The following GLCCI1 variants were observed in gnomAD, a reference collection of about 807,000 sequenced individuals.
The protein encoded by GLCCI1 is glucocorticoid induced 1.
Under a neutral mutation model 52.2 loss-of-function variants are expected in GLCCI1, and 24 were observed. The observed-to-expected ratio is 0.46, with a 90% CI of 0.33 to 0.65. GLCCI1 has a LOEUF of 0.65. Among genes scored for constraint, GLCCI1 ranks in the 30% least tolerant of loss-of-function variants. The pLI is 0.02. For synonymous variants in GLCCI1, 310 were observed against 276.5 expected (o/e 1.12, Z -1.20); for missense variants, 704 against 701.5 (o/e 1.00, Z -0.04).
intron 1 of GLCCI1, among the ~76,000 whole-genome samples, chr7:7,988,966 C>T (rs1780788647): frequency 6.6e-6 from 1 of 152,186 alleles, no homozygotes; most frequent in Non-Finnish European, 1.5e-5. Context: ...ATGTGGTCCT[C>T]CTCATTCTTT....
chr7:8,028,663 C>T (rs958693864), intron 3 of GLCCI1, among the ~76,000 whole-genome samples: 5 of 151,518 alleles, frequency 3.3e-5, no homozygotes, highest in Admixed American at 6.6e-5. Context: ...CAAAAGATGA[C>T]TGAAATTAAA....
At chr7:8,071,178 C>A in intron 6 of GLCCI1, 47 bp downstream of exon 6, 1 of 1,410,900 alleles carries the variant, frequency 7.1e-7, no homozygotes, top group Non-Finnish European at 1.0e-6. Context: ...GGGCCTTGCT[C>A]ATTATACCTT....
intron 3 of GLCCI1, among the ~76,000 whole-genome samples, chr7:8,051,327 A>G (rs1782254574): frequency 6.6e-6 from 1 of 152,218 alleles, no homozygotes; most frequent in African/African-American, 2.4e-5. Context: ...CAAGGCAGGA[A>G]GCATAGCTCC....
intron 3 of GLCCI1, among the ~76,000 whole-genome samples, chr7:8,031,700 A>AT (rs1781753272): frequency 6.6e-6 from 1 of 151,766 alleles, no homozygotes; most frequent in African/African-American, 2.4e-5. Flanking sequence ...ATAATTAAAA[A>AT]ATTTTTTTAA....
rs558066574 is a variant in GLCCI1, at chr7:8,023,046, C to T, written c.696+477C>T. On this transcript the variant is annotated intron_variant, in intron 3 of 7. Coordinates refer to ENST00000223145, the MANE Select transcript of GLCCI1 (RefSeq NM_138426.4). ...AGCTTTTTTATTTGAGACGGAGTCT[C>T]GCTCTGTTGCCCAGGCTGGAATGCG... Among the ~76,000 whole-genome samples the T allele has an allele frequency of 2.0e-5, 3 of 152,304 alleles. No individual in the cohort carries two copies. The East Asian group carries it at 5.8e-4, about 29-fold the overall frequency.
chr7:8,030,333 C>T (rs1400270800), intron 3 of GLCCI1, among the ~76,000 whole-genome samples: 1 of 152,048 alleles, frequency 6.6e-6, no homozygotes, highest in East Asian at 1.9e-4. Context: ...ACTGGATATG[C>T]CTATGCAGAG....
rs201269303 is a variant in GLCCI1, at chr7:8,086,276, G to C, written c.1382G>C (p.Cys461Ser). Residue 461 changes from cysteine to serine, a missense_variant, in exon 8 of 8, where the codon TGT becomes TCT. Physicochemically the swap from Cys to Ser is moderately radical, Grantham distance 112 (BLOSUM62 -1). Coordinates refer to ENST00000223145, the MANE Select transcript of GLCCI1 (RefSeq NM_138426.4). This position sits in a 1 kb window ranked among gnomAD's most constrained non-coding sequence, Gnocchi z 4.4. ...TTCATCCCAACCGGATCAGCTTTCTGTCCTGTAAAACTTCTAGGCCCCCTC... is the reference window on the plus strand; with the variant it reads ...TTCATCCCAACCGGATCAGCTTTCTCTCCTGTAAAACTTCTAGGCCCCCTC... The part of the protein sequence containing the change: ...VNFIPTGSAF[C>S]PVKLLGPLLP... The C allele has an allele frequency of 4.6e-5, 74 of 1,613,952 alleles. No homozygotes were observed. The highest frequency in any genetic ancestry group is 6.7e-5 in the Admixed American group (4 of 60,002).
Position 7,969,899 on chromosome 7 carries a change from A to G in GLCCI1, c.457+92A>G. 1.7e-6 allele frequency: 2 copies of G among 1,144,784 alleles called. No individual in the cohort carries two copies. The highest frequency in any genetic ancestry group is 3.9e-4 in the Middle Eastern group (1 of 2,552). 70.9% of individuals were successfully genotyped at this position (1,144,784 alleles called of 1,614,324 possible). On this transcript the variant is annotated intron_variant, in intron 1 of 7. Coordinates refer to ENST00000223145, the MANE Select transcript of GLCCI1 (RefSeq NM_138426.4). The surrounding 1 kb of genome is among the most constrained non-coding windows in gnomAD (Gnocchi z 4.9). ...CAGCCTCTTCGGGCTTCTCTTTGCT[A>G]GTGCATTATCGAAGGTGTGAAAGTG...
intron 1 of GLCCI1, among the ~76,000 whole-genome samples, chr7:7,997,325 G>T (rs1031435713): frequency 6.6e-6 from 1 of 152,060 alleles, no homozygotes; most frequent in South Asian, 2.1e-4. Flanking sequence ...TCTCATTACA[G>T]AATTAATGAA....
chr7:8,085,412 T>C (rs73677332), intron 7 of GLCCI1, among the ~76,000 whole-genome samples: 2,867 of 152,364 alleles, frequency 0.019, 80 homozygotes, highest in African/African-American at 0.063. Context: ...TGTAGCCTCA[T>C]CTAGCTTACT....
chr7:8,066,464 C>T (rs747713982), intron 5 of GLCCI1, among the ~76,000 whole-genome samples: 11 of 151,446 alleles, frequency 7.3e-5, no homozygotes, highest in Non-Finnish European at 1.5e-4. Context: ...TCTCTAGTCC[C>T]TCTATATGTG....
intron 2 of GLCCI1, among the ~76,000 whole-genome samples, chr7:8,011,799 G>A (rs1013567540): frequency 1.2e-4 from 18 of 151,216 alleles, no homozygotes; most frequent in African/African-American, 4.1e-4. Flanking sequence ...TCTTGTTGTT[G>A]TTGTTGTTGT....
At chr7:8,035,413 A>G (rs970368356) in intron 3 of GLCCI1, among the ~76,000 whole-genome samples, 1 of 152,190 alleles carries the variant, frequency 6.6e-6, no homozygotes, top group Non-Finnish European at 1.5e-5. Context: ...GAACACAGCC[A>G]TGGCTGCTCC....
chr7:8,015,791 T>G (rs1320164124), intron 2 of GLCCI1, among the ~76,000 whole-genome samples: 1 of 152,256 alleles, frequency 6.6e-6, no homozygotes, highest in African/African-American at 2.4e-5. Context: ...TACTTATTAA[T>G]TTTAATACGT....
At chr7:7,990,055 G>T (rs780309749) in intron 1 of GLCCI1, among the ~76,000 whole-genome samples, 5 of 152,080 alleles carry the variant, frequency 3.3e-5, no homozygotes, top group Non-Finnish European at 5.9e-5. Flanking sequence ...AGAAAGGAGA[G>T]AAAAAATCCA....
At chr7:8,032,571 C>G (rs1197485969) in intron 3 of GLCCI1, among the ~76,000 whole-genome samples, 1 of 151,968 alleles carries the variant, frequency 6.6e-6, no homozygotes, top group African/African-American at 2.4e-5. Flanking sequence ...TTACTACCAA[C>G]TGTACAAACT....
chr7:8,018,249 T>G (rs761597519), intron 2 of GLCCI1, among the ~76,000 whole-genome samples: 3 of 152,178 alleles, frequency 2.0e-5, no homozygotes, highest in Non-Finnish European at 2.9e-5. Context: ...AATATTTAAA[T>G]AAGATTAAAG....
At chr7:8,010,005 A>G (rs1366242286) in intron 2 of GLCCI1, among the ~76,000 whole-genome samples, 1 of 151,864 alleles carries the variant, frequency 6.6e-6, no homozygotes, top group African/African-American at 2.4e-5. Context: ...TAAACATTTA[A>G]AAATTGTATC....
chr7:7,996,151 A>G (rs1447292865), intron 1 of GLCCI1, among the ~76,000 whole-genome samples: 2 of 152,168 alleles, frequency 1.3e-5, no homozygotes, highest in African/African-American at 2.4e-5. Context: ...TTTTGCTTAC[A>G]ATATGACTTT....
Sources: allele counts gnomAD v4.1 joint callset (sites outside exome capture counted in the v4.1 genomes callset), GRCh38; gene constraint gnomAD v4.1.1; non-coding constraint Gnocchi (gnomAD v3.1); transcripts MANE v1.5; gene names NCBI Gene and HGNC (gene_info 2026-07-23, HGNC 2026-07-21).